The following PIK3CD variants were observed in gnomAD, a reference collection of about 807,000 sequenced individuals.
PIK3CD encodes the protein phosphatidylinositol 4,5-bisphosphate 3-kinase catalytic subunit delta isoform.
A neutral mutation model predicts 122.9 loss-of-function variants in PIK3CD; 20 were observed. The observed-to-expected ratio is 0.16, with a 90% CI of 0.11 to 0.24. The LOEUF (loss-of-function observed/expected upper bound fraction) is 0.24, where lower values mean the gene tolerates loss of function less well. Ranked by LOEUF, PIK3CD falls within the 10% of genes least tolerant of loss-of-function variation. The pLI, the probability that PIK3CD is intolerant of heterozygous loss-of-function variation, is 1.00. For synonymous variants in PIK3CD, 596 were observed against 593.4 expected (o/e 1.00, Z -0.06); for missense variants, 787 against 1,406.3 (o/e 0.56, Z 7.04).
rs1649811248 is a variant in PIK3CD at position 9,727,303 on chromosome 1, T to C, written c.*257T>C. 1.9e-6 allele frequency: 1 copy of C among 537,588 alleles called. No individual in the cohort carries two copies. Among genetic ancestry groups the C allele is most frequent in the Non-Finnish European group, 3.4e-6 (1 of 297,922 alleles). The allele number at this position is 537,588 out of a possible 1,614,324, so 33.3% of individuals were successfully genotyped here. ...CTGCACCTGGCTCTCGGCTGAGGAT[T>C]GTCACCCCAAGTCTTCCAGCTGGTG... On this transcript the variant is annotated 3_prime_UTR_variant, in exon 24 of 24. Coordinates refer to ENST00000377346, the MANE Select transcript of PIK3CD (RefSeq NM_005026.5).
Position 9,710,652 on chromosome 1 carries a change from G to GAC in PIK3CD, c.141+57_141+58insCA. The GAC allele has an allele frequency of 4.5e-6, 7 of 1,559,244 alleles. No homozygotes were observed. The highest frequency in any genetic ancestry group is 6.2e-6 in the Non-Finnish European group (7 of 1,131,458). ...GTGCTCAGAGAGAGAGAGAGAGAGA[G>GAC]AGACACAGATAGACAGACAGACAGA... On this transcript the variant is annotated intron_variant, in intron 3 of 23. Transcript: ENST00000377346. The surrounding 1 kb of genome is among the most constrained non-coding windows in gnomAD (Gnocchi z 4.7).
At chr1:9,702,085 C>T (rs1167329816) in intron 2 of PIK3CD, among the ~76,000 whole-genome samples, 2 of 151,600 alleles carry the variant, frequency 1.3e-5, no homozygotes, top group African/African-American at 2.4e-5. Flanking sequence ...ACCTCTGCCA[C>T]CTGGGTTCAA....
intron 3 of PIK3CD, among the ~76,000 whole-genome samples, chr1:9,714,030 T>C (rs926148250): frequency 2.0e-5 from 3 of 151,982 alleles, no homozygotes; most frequent in Admixed American, 6.6e-5. Flanking sequence ...TTTTTTATTT[T>C]TTGTAGAGAT....
chr1:9,676,821 G>A (rs1374339623), intron 1 of PIK3CD, among the ~76,000 whole-genome samples: 4 of 152,300 alleles, frequency 2.6e-5, no homozygotes, highest in African/African-American at 7.2e-5. Flanking sequence ...GGGGCTGGCC[G>A]CTGTAGCCTT....
At chr1:9,654,001 T>C in intron 1 of PIK3CD, 18 of 1,317,290 alleles carry the variant, frequency 1.4e-5, no homozygotes, top group Non-Finnish European at 1.8e-5. Context: ...AAGCCAGGAG[T>C]TCAAGGTTGC....
At chr1:9,653,333 C>T (rs1187250132) in intron 1 of PIK3CD, 2 of 172,830 alleles carry the variant, frequency 1.2e-5, no homozygotes, top group Non-Finnish European at 2.5e-5. Flanking sequence ...TTCAGCTGGA[C>T]AACTGTAGGA....
chr1:9,724,569 C>A lies in PIK3CD; in HGVS notation c.2864+148C>A. On this transcript the variant is annotated intron_variant, in intron 22 of 23. Transcript: ENST00000377346. The surrounding 1 kb of genome is among the most constrained non-coding windows in gnomAD (Gnocchi z 7.3). ...CAACTGTTGATGGGTTTGGAACATG[C>A]CCCTGCTCCACCCTGCAGTGCCCCT... The A allele has an allele frequency of 1.8e-6, 2 of 1,086,848 alleles. No homozygotes were observed. The highest frequency in any genetic ancestry group is 2.7e-6 in the Non-Finnish European group (2 of 729,328). 67.3% of individuals were successfully genotyped at this position (1,086,848 alleles called of 1,614,324 possible).
At position 9,700,145 on chromosome 1, in the gene PIK3CD, A is replaced by G. The variant is rs1172168744; in HGVS notation, c.-33+8574A>G. ...TTAATTTTTAAATATTTATTTATTG[A>G]TTTTTGAGACAGAGTCTCACTCTTG... On this transcript the variant is annotated intron_variant, in intron 2 of 23. Coordinates refer to ENST00000377346, the MANE Select transcript of PIK3CD (RefSeq NM_005026.5). The surrounding 1 kb of genome is among the most constrained non-coding windows in gnomAD (Gnocchi z 5.1). Among the ~76,000 whole-genome samples, 1 of 151,916 alleles carries G rather than the reference A, an allele frequency of 6.6e-6. No individual in the cohort carries two copies. The highest frequency in any genetic ancestry group is 1.5e-5 in the Non-Finnish European group (1 of 67,982).
Position 9,717,727 on chromosome 1 carries a change from A to G in PIK3CD, c.1020+101A>G. The G allele has an allele frequency of 9.4e-7, 1 of 1,066,104 alleles. No homozygotes were observed. The highest frequency in any genetic ancestry group is 1.4e-6 in the Non-Finnish European group (1 of 702,564). The allele number at this position is 1,066,104 out of a possible 1,614,324, so 66.0% of individuals were successfully genotyped here. On this transcript the variant is annotated intron_variant, in intron 8 of 23. Coordinates refer to ENST00000377346, the MANE Select transcript of PIK3CD (RefSeq NM_005026.5). The surrounding 1 kb of genome is among the most constrained non-coding windows in gnomAD (Gnocchi z 5.4). ...AGAGGAAGGAGGGGGATCACATGAA[A>G]GCCACCTGACCACATTACCCAGCAT...
At position 9,722,352 on chromosome 1, in the gene PIK3CD, G is replaced by T. The variant is rs1334675931; in HGVS notation, c.2343G>T (p.Gly781=). 6.2e-7 allele frequency: 1 copy of T among 1,610,014 alleles called. No homozygotes were observed. ...GGSVGIIFKN[G]DDLRQDMLTL... ...GCGTGGGCATCATCTTTAAGAACGG[G>T]GATGGTGAGGGCCTGGCCTCCCCAC... Residue 781 remains glycine, a synonymous_variant, in exon 18 of 24, where the codon GGG becomes GGT. Transcript: ENST00000377346. This position sits in a 1 kb window ranked among gnomAD's most constrained non-coding sequence, Gnocchi z 7.6.
chr1:9,644,133 G>GCT, the PIK3CD span, among the ~76,000 whole-genome samples: 1 of 152,224 alleles, frequency 6.6e-6, no homozygotes, highest in East Asian at 1.9e-4. Flanking sequence ...AAAAATGTTT[G>GCT]CAGCATTTGT....
chr1:9,716,708 C>T, intron 6 of PIK3CD, 89 bp downstream of exon 6: 1 of 1,395,600 alleles, frequency 7.2e-7, no homozygotes. Context: ...TTTGGGCGCA[C>T]CTTGAGCCTG....
In PIK3CD at chr1:9,668,501, G is replaced by A. The variant is rs185669022; in HGVS notation, c.-138+16699G>A. Among the ~76,000 whole-genome samples the A allele has an allele frequency of 1.0e-3, 153 of 150,066 alleles. 1 individual carries two copies. The highest frequency in any genetic ancestry group is 3.7e-3 in the African/African-American group (150 of 40,754). ...TTTATTTTTATTTCAGTAGTTTTTG[G>A]GGTACAGGTGGTTTTTAGTTATACG... On this transcript the variant is annotated intron_variant, in intron 1 of 23. Transcript: ENST00000377346.
Position 9,727,031 on chromosome 1 carries a change from A to G in PIK3CD, c.3120A>G (p.Lys1040=). 6.2e-7 allele frequency: 1 copy of G among 1,614,108 alleles called. No individual in the cohort carries two copies. Among genetic ancestry groups the G allele is most frequent in the Non-Finnish European group, 8.5e-7 (1 of 1,180,030 alleles). ...ACTGGCTGGCCCACAACGTGTCCAA[A>G]GACAACAGGCAGTAGTGGCTCCTCC... ...KVNWLAHNVS[K]DNRQ is the part of the protein sequence containing the mutation. The change falls in exon 24 of 24, where the codon AAA becomes AAG. Residue 1040 remains lysine (K), a synonymous_variant. Transcript: ENST00000377346.
intron 1 of PIK3CD, among the ~76,000 whole-genome samples, chr1:9,657,268 C>T (rs1274565593): frequency 6.6e-6 from 1 of 152,150 alleles, no homozygotes; most frequent in African/African-American, 2.4e-5. Context: ...TGCAAAGACC[C>T]ATTTTCCACA....
intron 1 of PIK3CD, among the ~76,000 whole-genome samples, chr1:9,663,756 C>G (rs1390293209): frequency 6.8e-6 from 1 of 146,030 alleles, no homozygotes; most frequent in Non-Finnish European, 1.5e-5. Context: ...AAAACAGGCC[C>G]TGGTGTGTGA....
chr1:9,724,505 T>C lies in PIK3CD; in HGVS notation c.2864+84T>C. The C allele has an allele frequency of 6.6e-7, 1 of 1,504,570 alleles. No homozygotes were observed. The highest frequency in any genetic ancestry group is 9.2e-7 in the Non-Finnish European group (1 of 1,087,042). 93.2% of individuals were successfully genotyped at this position (1,504,570 alleles called of 1,614,324 possible). A position where few individuals can be genotyped will look rare whatever the true frequency, so the allele number is the denominator to read the frequency against. On this transcript the variant is annotated intron_variant, in intron 22 of 23. Coordinates refer to ENST00000377346, the MANE Select transcript of PIK3CD (RefSeq NM_005026.5). This position sits in a 1 kb window ranked among gnomAD's most constrained non-coding sequence, Gnocchi z 7.3. ...AGAGGTTCCCAGGCAGGGTGCAGGATGGGGCTCAGGTCTCAACCCCACACC... is the reference window on the plus strand; with the variant it reads ...AGAGGTTCCCAGGCAGGGTGCAGGACGGGGCTCAGGTCTCAACCCCACACC...
In PIK3CD at chr1:9,723,060, C is replaced by T; in HGVS notation, c.2427-65C>T. The stretch of plus-strand genomic sequence containing the variant: ...TTTGGGGCACCATGAGTTTCTGGGG[C>T]TCAAGTGGCCTCAGGGACAGCCCTT... On this transcript the variant is annotated intron_variant, in intron 19 of 23. Transcript: ENST00000377346. The surrounding 1 kb of genome is among the most constrained non-coding windows in gnomAD (Gnocchi z 4.9). The T allele has an allele frequency of 6.6e-7, 1 of 1,521,648 alleles. No homozygotes were observed. The highest frequency in any genetic ancestry group is 1.1e-5 in the South Asian group (1 of 89,298). 94.3% of individuals were successfully genotyped at this position (1,521,648 alleles called of 1,614,324 possible).
chr1:9,665,588 TTAATA>T (rs955023153), intron 1 of PIK3CD, among the ~76,000 whole-genome samples: 1 of 151,882 alleles, frequency 6.6e-6, no homozygotes, highest in African/African-American at 2.4e-5. Context: ...ACATGTCCAA[TTAATA>T]CTGCTTGAGG....
Sources: allele counts gnomAD v4.1 joint callset (sites outside exome capture counted in the v4.1 genomes callset), GRCh38; gene constraint gnomAD v4.1.1; non-coding constraint Gnocchi (gnomAD v3.1); transcripts MANE v1.5; gene names NCBI Gene and HGNC (gene_info 2026-07-23, HGNC 2026-07-21).